Variants in ST8SIA4 observed in about 807,000 individuals in gnomAD.
The protein encoded by ST8SIA4 is ST8 alpha-N-acetyl-neuraminide alpha-2,8-sialyltransferase 4.
ST8SIA4 carries 15 observed loss-of-function variants against 33.9 expected under a neutral mutation model. The observed-to-expected ratio is 0.44, with a 90% CI of 0.30 to 0.68. The LOEUF (loss-of-function observed/expected upper bound fraction) is 0.68, where lower values mean the gene tolerates loss of function less well. ST8SIA4 is among the 30% of genes least tolerant of loss of function. The pLI is 0.10. For synonymous variants in ST8SIA4, 171 were observed against 151.2 expected, an observed-to-expected ratio of 1.13 and a Z score of -0.96; for missense variants, 321 against 428.0, an observed-to-expected ratio of 0.75 and a Z score of 2.21.
At chr5:100,877,030 A>T (rs1377174665) in intron 3 of ST8SIA4, among the ~76,000 whole-genome samples, 1 of 152,082 alleles carries the variant, frequency 6.6e-6, no homozygotes, top group East Asian at 1.9e-4. Context: ...TGAGTATAAT[A>T]CTTGGGTAAA....
At chr5:100,820,704 G>A (rs1455322066) in intron 4 of ST8SIA4, among the ~76,000 whole-genome samples, 3 of 152,096 alleles carry the variant, frequency 2.0e-5, no homozygotes, top group Admixed American at 6.6e-5. Context: ...TTGTTGAATG[G>A]AACTAAAATA....
intron 2 of ST8SIA4, among the ~76,000 whole-genome samples, chr5:100,888,209 A>C (rs1752583959): frequency 6.6e-6 from 1 of 151,450 alleles, no homozygotes; most frequent in Non-Finnish European, 1.5e-5. Flanking sequence ...GGAAAAAAAA[A>C]AAAACATATA....
chr5:100,820,750 C>A (rs1446051099), intron 4 of ST8SIA4, among the ~76,000 whole-genome samples: 2 of 151,970 alleles, frequency 1.3e-5, no homozygotes, highest in African/African-American at 4.8e-5. Flanking sequence ...TTTAAATAAT[C>A]GTATGTGGGC....
intron 1 of ST8SIA4, among the ~76,000 whole-genome samples, chr5:100,897,778 C>T (rs1752812062): frequency 1.3e-5 from 2 of 152,184 alleles, no homozygotes; most frequent in East Asian, 3.8e-4. Flanking sequence ...AACTATCCTA[C>T]TGATGAAAAT....
intron 3 of ST8SIA4, among the ~76,000 whole-genome samples, chr5:100,883,357 C>T (rs1752469254): frequency 6.6e-6 from 1 of 152,182 alleles, no homozygotes; most frequent in Non-Finnish European, 1.5e-5. Flanking sequence ...CTGTATTTAC[C>T]CAATAACTGT....
intron 4 of ST8SIA4, among the ~76,000 whole-genome samples, chr5:100,835,333 C>T (rs1352253818): frequency 6.6e-6 from 1 of 151,934 alleles, no homozygotes; most frequent in Non-Finnish European, 1.5e-5. Flanking sequence ...TCATTTTTTC[C>T]ATCATAAACA....
chr5:100,866,338 T>A (rs1438812645), intron 3 of ST8SIA4, among the ~76,000 whole-genome samples: 1 of 152,082 alleles, frequency 6.6e-6, no homozygotes, highest in African/African-American at 2.4e-5. Context: ...TTTGCCAAAA[T>A]GAATGGAAAT....
At chr5:100,834,004 G>A (rs1751313451) in intron 4 of ST8SIA4, among the ~76,000 whole-genome samples, 1 of 152,084 alleles carries the variant, frequency 6.6e-6, no homozygotes, top group South Asian at 2.1e-4. Context: ...AATATTTGTT[G>A]AATAAGTGAA....
intron 3 of ST8SIA4, among the ~76,000 whole-genome samples, chr5:100,867,585 G>A (rs1480172731): frequency 6.6e-6 from 1 of 151,866 alleles, no homozygotes; most frequent in Non-Finnish European, 1.5e-5. Context: ...ACATTAGAGG[G>A]GTTGTAGGAA....
rs369305588 is a variant in ST8SIA4 at position 100,897,426 on chromosome 5, C to T, written c.114-1641G>A. On this transcript the variant is annotated intron_variant, in intron 1 of 4. Transcript: ENST00000231461. ...TCAAAAAGCTACTTCTTATGGTATACGAATAGTAACCATAGCCCTTTGAAT... is the reference window on the plus strand; with the variant it reads ...TCAAAAAGCTACTTCTTATGGTATATGAATAGTAACCATAGCCCTTTGAAT... Among the ~76,000 whole-genome samples, 27 of 152,200 alleles carry T rather than the reference C, an allele frequency of 1.8e-4. 1 individual carries two copies. The highest frequency in any genetic ancestry group is 9.2e-4 in the Admixed American group (14 of 15,274).
intron 1 of ST8SIA4, among the ~76,000 whole-genome samples, chr5:100,897,845 G>A (rs994755372): frequency 1.3e-5 from 2 of 152,118 alleles, no homozygotes; most frequent in Non-Finnish European, 2.9e-5. Flanking sequence ...GGAGCATTTA[G>A]GATGCCAGAA....
intron 3 of ST8SIA4, among the ~76,000 whole-genome samples, chr5:100,866,607 CACACAA>C (rs964771278): frequency 2.4e-4 from 37 of 151,668 alleles, no homozygotes; most frequent in African/African-American, 8.5e-4. Context: ...CACACACACA[CACACAA>C]ATACATATTA....
At chr5:100,831,600 T>G (rs896427115) in intron 4 of ST8SIA4, among the ~76,000 whole-genome samples, 5 of 152,170 alleles carry the variant, frequency 3.3e-5, no homozygotes, top group Non-Finnish European at 5.9e-5. Flanking sequence ...TACCATTGTT[T>G]TTCCTTCATG....
At chr5:100,872,181 A>T (rs888644353) in intron 3 of ST8SIA4, among the ~76,000 whole-genome samples, 1 of 152,036 alleles carries the variant, frequency 6.6e-6, no homozygotes, top group Non-Finnish European at 1.5e-5. Context: ...TATTCTTTTT[A>T]AAAAATCTTA....
At chr5:100,829,258 C>T (rs1751204283) in intron 4 of ST8SIA4, among the ~76,000 whole-genome samples, 1 of 152,176 alleles carries the variant, frequency 6.6e-6, no homozygotes, top group Non-Finnish European at 1.5e-5. Context: ...TCTCTCTCCC[C>T]TCCAAATAGT....
intron 3 of ST8SIA4, among the ~76,000 whole-genome samples, chr5:100,857,775 C>T (rs537113861): frequency 1.3e-4 from 20 of 151,928 alleles, no homozygotes; most frequent in South Asian, 4.1e-4. Context: ...CCTAGATCTC[C>T]GACAATATTT....
intron 4 of ST8SIA4, among the ~76,000 whole-genome samples, chr5:100,841,562 T>C (rs1251390674): frequency 4.6e-5 from 7 of 151,924 alleles, no homozygotes; most frequent in Non-Finnish European, 8.8e-5. Flanking sequence ...TGAGCTCCTA[T>C]GCTTGGGCCC....
intron 4 of ST8SIA4, among the ~76,000 whole-genome samples, chr5:100,845,341 A>G (rs1751546346): frequency 6.6e-6 from 1 of 151,830 alleles, no homozygotes; most frequent in African/African-American, 2.4e-5. Context: ...CTAAAAATTT[A>G]TATTTGCATT....
intron 4 of ST8SIA4, among the ~76,000 whole-genome samples, chr5:100,831,131 G>A (rs1211092655): frequency 6.6e-6 from 1 of 152,110 alleles, no homozygotes. Flanking sequence ...AATTATATTT[G>A]TCTACCTAAA....
Sources: gnomAD v4.1 joint callset for allele counts (sites outside exome capture counted in the v4.1 genomes callset) on GRCh38, gnomAD v4.1.1 for gene constraint, MANE v1.5 for transcripts, NCBI Gene and HGNC (gene_info 2026-07-23, HGNC 2026-07-21) for gene names.